Variants in DMD observed in about 807,000 individuals in gnomAD.
The protein encoded by DMD is mutant dystrophin.
DMD carries 63 observed loss-of-function variants against 330.1 expected under a neutral mutation model. The observed-to-expected ratio is 0.19, with a 90% CI of 0.16 to 0.24. The LOEUF (loss-of-function observed/expected upper bound fraction) is 0.24, where lower values mean the gene tolerates loss of function less well. Ranked by LOEUF, DMD falls within the 10% of genes least tolerant of loss-of-function variation. DMD has a pLI of 1.00. For missense variants in DMD, 3,344 were observed against 2,684.1 expected (o/e 1.25, Z -5.43); for synonymous variants, 1,223 against 959.8 (o/e 1.27, Z -5.07).
At chrX:32,474,821 G>A (rs1020681972) in intron 21 of DMD, among the ~76,000 whole-genome samples, 1 of 111,661 alleles carries the variant, frequency 9.0e-6, no homozygotes, top group Non-Finnish European at 1.9e-5. Context: ...TTGCTGTGCT[G>A]ATTGTTCCTT....
intron 29 of DMD, among the ~76,000 whole-genome samples, chrX:32,415,776 T>C (rs1355750618): frequency 1.8e-5 from 2 of 112,093 alleles, no homozygotes; most frequent in East Asian, 2.8e-4. Flanking sequence ...AATATAAAAA[T>C]AGAAAACAAT....
chrX:31,228,023 C>T (rs1166004652), intron 63 of DMD, among the ~76,000 whole-genome samples: 3 of 103,689 alleles, frequency 2.9e-5, no homozygotes, highest in Non-Finnish European at 5.9e-5. Flanking sequence ...AACCAAACAC[C>T]GCATATTCTC....
intron 9 of DMD, among the ~76,000 whole-genome samples, chrX:32,683,954 T>A (rs1406810284): frequency 1.9e-5 from 2 of 103,059 alleles, no homozygotes; most frequent in African/African-American, 3.6e-5. Flanking sequence ...ATGAAAAAAA[T>A]TGCACCATAG....
intron 13 of DMD, among the ~76,000 whole-genome samples, chrX:32,582,346 T>C (rs1252732920): frequency 1.8e-5 from 2 of 111,688 alleles, no homozygotes; most frequent in Non-Finnish European, 3.8e-5. Flanking sequence ...CAACTGTATT[T>C]CTTTATATCA....
At chrX:31,773,884 G>T in intron 51 of DMD, 76 bp downstream of exon 51, 1 of 916,975 alleles carries the variant, frequency 1.1e-6, no homozygotes, top group Non-Finnish European at 1.6e-6. Flanking sequence ...AAATGGTCTA[G>T]GAGAGTAAAG....
intron 1 of DMD, among the ~76,000 whole-genome samples, chrX:33,112,509 G>A (rs140745651): frequency 0.029 from 3,209 of 111,531 alleles, 127 homozygotes; most frequent in African/African-American, 0.099. Context: ...GACATTAATA[G>A]TTAATTGCTT....
At chrX:31,151,425 C>T (rs1224445872) in intron 74 of DMD, among the ~76,000 whole-genome samples, 2 of 112,299 alleles carry the variant, frequency 1.8e-5, no homozygotes, top group African/African-American at 6.5e-5. Context: ...GTACAACAAG[C>T]CATTACTGTC....
chrX:31,858,339 A>G (rs1049421640), intron 48 of DMD, among the ~76,000 whole-genome samples: 1 of 111,727 alleles, frequency 9.0e-6, no homozygotes, highest in Non-Finnish European at 1.9e-5. Context: ...TACTGATAAC[A>G]TCTAAGTTTA....
intron 44 of DMD, among the ~76,000 whole-genome samples, chrX:31,969,764 A>G (rs1011797892): frequency 8.0e-5 from 9 of 111,876 alleles, no homozygotes; most frequent in African/African-American, 2.9e-4. Flanking sequence ...CAATTAAAAT[A>G]CTCTGTAAAT....
intron 67 of DMD, among the ~76,000 whole-genome samples, chrX:31,190,890 C>T (rs1204654733): frequency 2.7e-5 from 3 of 111,298 alleles, no homozygotes; most frequent in African/African-American, 9.8e-5. Flanking sequence ...TTTAATAAGC[C>T]GGCAACTATC....
intron 48 of DMD, among the ~76,000 whole-genome samples, chrX:31,850,637 G>C (rs1478122317): frequency 8.9e-6 from 1 of 112,205 alleles, no homozygotes; most frequent in East Asian, 2.8e-4. Flanking sequence ...TTTCCGCTAG[G>C]GTCCTGGGAT....
chrX:32,396,100 T>C (rs2098042260), intron 30 of DMD, among the ~76,000 whole-genome samples: 1 of 111,157 alleles, frequency 9.0e-6, no homozygotes, highest in Non-Finnish European at 1.9e-5. Context: ...TCATAAATAA[T>C]AGGAACAACA....
At chrX:32,481,975 T>C (rs972598130) in intron 21 of DMD, among the ~76,000 whole-genome samples, 7 of 111,624 alleles carry the variant, frequency 6.3e-5, no homozygotes, top group African/African-American at 2.3e-4. Flanking sequence ...AAGAGAATCA[T>C]TTTGAAACTT....
At chrX:32,340,068 G>A (rs1180285625) in intron 41 of DMD, among the ~76,000 whole-genome samples, 3 of 111,776 alleles carry the variant, frequency 2.7e-5, no homozygotes, top group Non-Finnish European at 5.7e-5. Flanking sequence ...AAAATGCATT[G>A]ACAATTGGTC....
intron 63 of DMD, among the ~76,000 whole-genome samples, chrX:31,258,252 CCTGAGCCTGG>C (rs1355995700): frequency 8.9e-6 from 1 of 112,444 alleles, no homozygotes; most frequent in East Asian, 2.8e-4. Context: ...TCAATTCCTC[CCTGAGCCTGG>C]CTTCGCTGTC....
chrX:32,826,536 C>A (rs1287358245), intron 4 of DMD, among the ~76,000 whole-genome samples: 1 of 111,606 alleles, frequency 9.0e-6, no homozygotes, highest in Non-Finnish European at 1.9e-5. Flanking sequence ...AGAGAATCCT[C>A]TCATTTGCAA....
At chrX:32,612,750 C>A (rs1361345527) in intron 12 of DMD, among the ~76,000 whole-genome samples, 1 of 111,335 alleles carries the variant, frequency 9.0e-6, no homozygotes, top group Non-Finnish European at 1.9e-5. Flanking sequence ...GTTACAATTT[C>A]TACATAATTG....
intron 78 of DMD, 85 bp downstream of exon 78, chrX:31,126,553 GCACA>G: frequency 2.5e-6 from 2 of 792,926 alleles, no homozygotes; most frequent in Non-Finnish European, 3.9e-6. Flanking sequence ...ACATGCGCGT[GCACA>G]CACACAATTC....
At chrX:32,941,507 T>TG (rs772167481) in intron 2 of DMD, among the ~76,000 whole-genome samples, 59 of 111,396 alleles carry the variant, frequency 5.3e-4, no homozygotes, top group Admixed American at 9.6e-4. Context: ...GCAACACAGA[T>TG]GCAGCTGTGA....
Sources: allele counts gnomAD v4.1 joint callset (sites outside exome capture counted in the v4.1 genomes callset), GRCh38; gene constraint gnomAD v4.1.1; transcripts MANE v1.5; gene names NCBI Gene and HGNC (gene_info 2026-07-23, HGNC 2026-07-21).